RSRC1: variants seen among roughly 807,000 people sequenced by gnomAD.
RSRC1 encodes arginine and serine rich coiled-coil 1, also known as serine/Arginine-related protein 53.
In RSRC1, 39 loss-of-function variants were observed where a neutral mutation model predicts 49.1. The observed-to-expected ratio is 0.79, with a 90% CI of 0.61 to 1.04. The LOEUF is 1.04. Among genes scored for constraint, RSRC1 ranks in the 50% least tolerant of loss-of-function variants. RSRC1 has a pLI of 0.00. For synonymous variants in RSRC1, 143 were observed against 130.8 expected (o/e 1.09, Z -0.63); for missense variants, 388 against 402.4 (o/e 0.96, Z 0.31).
At chr3:158,400,988 C>T (rs1186753054) in intron 6 of RSRC1, among the ~76,000 whole-genome samples, 1 of 151,934 alleles carries the variant, frequency 6.6e-6, no homozygotes. Context: ...GGTATCTTTT[C>T]TGTGTTGAGA....
chr3:158,492,104 CAA>C (rs1491398480), intron 7 of RSRC1, among the ~76,000 whole-genome samples: 1 of 152,080 alleles, frequency 6.6e-6, no homozygotes, highest in Admixed American at 6.6e-5. Flanking sequence ...TACATGGCAG[CAA>C]GAGAGAGAGA....
At chr3:158,474,616 T>A (rs1738288104) in intron 7 of RSRC1, among the ~76,000 whole-genome samples, 1 of 152,142 alleles carries the variant, frequency 6.6e-6, no homozygotes, top group Non-Finnish European at 1.5e-5. Context: ...TCGTAGAACT[T>A]CTTCTTTCAA....
At chr3:158,529,198 ATATG>A (rs1712230518) in intron 7 of RSRC1, among the ~76,000 whole-genome samples, 1 of 116,026 alleles carries the variant, frequency 8.6e-6, no homozygotes, top group Non-Finnish European at 1.7e-5. Context: ...TTTTATGTAT[ATATG>A]TATGTGTGTG....
intron 5 of RSRC1, among the ~76,000 whole-genome samples, chr3:158,320,929 A>T (rs1728718498): frequency 6.6e-6 from 1 of 152,198 alleles, no homozygotes; most frequent in African/African-American, 2.4e-5. Context: ...GTTCAAATGA[A>T]TGGGATTTGG....
At chr3:158,278,963 T>C (rs1725975764) in intron 4 of RSRC1, among the ~76,000 whole-genome samples, 1 of 152,216 alleles carries the variant, frequency 6.6e-6, no homozygotes. Flanking sequence ...ATGCTATTTT[T>C]CCAGCACAGC....
At chr3:158,444,836 G>A (rs1415945612) in intron 6 of RSRC1, among the ~76,000 whole-genome samples, 3 of 152,080 alleles carry the variant, frequency 2.0e-5, no homozygotes, top group African/African-American at 4.8e-5. Context: ...ATCAACAAAT[G>A]GGCGAAGGAT....
At chr3:158,218,320 A>G (rs1194487347) in intron 4 of RSRC1, among the ~76,000 whole-genome samples, 1 of 151,666 alleles carries the variant, frequency 6.6e-6, no homozygotes, top group South Asian at 2.1e-4. Context: ...ACAGTAATCT[A>G]GGAGAGATGT....
At chr3:158,242,213 C>T (rs563895262) in intron 4 of RSRC1, among the ~76,000 whole-genome samples, 1 of 151,974 alleles carries the variant, frequency 6.6e-6, no homozygotes, top group Non-Finnish European at 1.5e-5. Flanking sequence ...ACCTCCCATC[C>T]TCTACCAGGC....
chr3:158,277,641 A>T (rs933666117), intron 4 of RSRC1, among the ~76,000 whole-genome samples: 4 of 152,172 alleles, frequency 2.6e-5, no homozygotes, highest in Non-Finnish European at 5.9e-5. Flanking sequence ...ACAGCATGGG[A>T]AGTATATAAA....
rs569449613 is a variant in RSRC1, at chr3:158,326,850, C to T, written c.532-28007C>T. ...TCTGGTACAATTCGGCTGTGAATCC[C>T]TCTGGTCCTATACTTTTTTTGGTTG... is the stretch of plus-strand genomic sequence containing the variant. On this transcript the variant is annotated intron_variant, in intron 5 of 9. Transcript: ENST00000611884. Among the ~76,000 whole-genome samples the T allele has an allele frequency of 4.6e-5, 7 of 152,212 alleles. No homozygotes were observed. The East Asian group carries it at 1.4e-3, about 29-fold the overall frequency.
At chr3:158,320,601 T>C (rs977367551) in intron 5 of RSRC1, among the ~76,000 whole-genome samples, 2 of 152,126 alleles carry the variant, frequency 1.3e-5, no homozygotes, top group Non-Finnish European at 2.9e-5. Flanking sequence ...ACAACAATAA[T>C]TCCCAACCTG....
At chr3:158,506,332 G>A (rs1739859025) in intron 7 of RSRC1, among the ~76,000 whole-genome samples, 1 of 152,146 alleles carries the variant, frequency 6.6e-6, no homozygotes, top group African/African-American at 2.4e-5. Context: ...AGTGTTTTGA[G>A]AGGCCGAGAT....
chr3:158,377,876 G>A (rs1732461208), intron 6 of RSRC1, among the ~76,000 whole-genome samples: 1 of 152,036 alleles, frequency 6.6e-6, no homozygotes, highest in Admixed American at 6.5e-5. Context: ...GGCCAGGTTG[G>A]TCTTGAACTC....
chr3:158,394,272 C>G (rs536418090), intron 6 of RSRC1, among the ~76,000 whole-genome samples: 1 of 152,154 alleles, frequency 6.6e-6, no homozygotes, highest in African/African-American at 2.4e-5. Flanking sequence ...CTCACTACTC[C>G]TTTTCAACAT....
intron 8 of RSRC1, among the ~76,000 whole-genome samples, chr3:158,541,080 T>C (rs1306913851): frequency 6.6e-6 from 1 of 152,198 alleles, no homozygotes; most frequent in East Asian, 1.9e-4. Context: ...TGGCCTGCAG[T>C]GTCTCACTGT....
At chr3:158,491,683 T>C (rs1739089709) in intron 7 of RSRC1, among the ~76,000 whole-genome samples, 1 of 152,246 alleles carries the variant, frequency 6.6e-6, no homozygotes, top group Non-Finnish European at 1.5e-5. Context: ...TGTTTGATTA[T>C]CTTTGATTAT....
intron 3 of RSRC1, among the ~76,000 whole-genome samples, chr3:158,133,735 A>G (rs1716185503): frequency 6.6e-6 from 1 of 152,222 alleles, no homozygotes; most frequent in African/African-American, 2.4e-5. Flanking sequence ...TAATTTGATC[A>G]TATTAGATGC....
At chr3:158,119,657 A>G (rs1165669939) in intron 1 of RSRC1, among the ~76,000 whole-genome samples, 2 of 151,740 alleles carry the variant, frequency 1.3e-5, no homozygotes, top group Admixed American at 6.6e-5. Context: ...GTGGGTATCT[A>G]TTTGATATAT....
At chr3:158,444,442 ACTGG>A (rs1292747299) in intron 6 of RSRC1, among the ~76,000 whole-genome samples, 13 of 152,180 alleles carry the variant, frequency 8.5e-5, no homozygotes, top group Non-Finnish European at 1.3e-4. Flanking sequence ...TGCTGGGAAA[ACTGG>A]CTAGCCATAT....
Sources: gnomAD v4.1 joint callset for allele counts (sites outside exome capture counted in the v4.1 genomes callset) on GRCh38, gnomAD v4.1.1 for gene constraint, MANE v1.5 for transcripts, NCBI Gene and HGNC (gene_info 2026-07-23, HGNC 2026-07-21) for gene names.